The following ATG16L1 variants were observed in gnomAD, a reference collection of about 807,000 sequenced individuals.
The protein encoded by ATG16L1 is autophagy-related protein 16-1.
ATG16L1 carries 37 observed loss-of-function variants against 88.5 expected under a neutral mutation model. That is an observed-to-expected ratio of 0.42 (90% CI 0.32 to 0.55). ATG16L1 has a LOEUF of 0.55. Ranked by LOEUF, ATG16L1 falls within the 20% of genes least tolerant of loss-of-function variation. The pLI, the probability that ATG16L1 is intolerant of heterozygous loss-of-function variation, is 0.13. For synonymous variants in ATG16L1, 301 were observed against 281.0 expected (o/e 1.07, Z -0.71); for missense variants, 554 against 752.8 (o/e 0.74, Z 3.09).
chr2:233,263,625 T>C (rs1417796346), intron 3 of ATG16L1, among the ~76,000 whole-genome samples: 1 of 152,232 alleles, frequency 6.6e-6, no homozygotes, highest in Non-Finnish European at 1.5e-5. Context: ...TCCTAGGCTG[T>C]GTTCGCCTGG....
intron 5 of ATG16L1, 96 bp downstream of exon 5, chr2:233,265,239 A>C: frequency 4.9e-6 from 7 of 1,442,800 alleles, no homozygotes; most frequent in Non-Finnish European, 6.6e-6. Flanking sequence ...TTACTACAGG[A>C]GGTTTACCAG....
At chr2:233,281,221 T>G in intron 11 of ATG16L1, 46 bp downstream of exon 11, 11 of 1,388,478 alleles carry the variant, frequency 7.9e-6, no homozygotes, top group Non-Finnish European at 1.1e-5. Context: ...AGAAATAATT[T>G]AAGACATTAG....
At chr2:233,277,044 T>C (rs1168116199) in intron 9 of ATG16L1, 1 of 152,622 alleles carries the variant, frequency 6.6e-6, no homozygotes, top group Non-Finnish European at 1.5e-5. Context: ...CAGAAAGAAC[T>C]ACATAGAATT....
rs563809588 is a variant in ATG16L1 at position 233,253,412 on chromosome 2, C to T, written c.115+1470C>T. On this transcript the variant is annotated intron_variant, in intron 1 of 17. Coordinates refer to ENST00000392017, the MANE Select transcript of ATG16L1 (RefSeq NM_030803.7). Reference sequence around the variant, plus strand: ...TAGGCTGGAGTGCAAGTGGCGTGATCTCAGCTCACTGCAACCTCCACCTCC... The same window carrying T: ...TAGGCTGGAGTGCAAGTGGCGTGATTTCAGCTCACTGCAACCTCCACCTCC... Among the ~76,000 whole-genome samples, 41 of 128,080 alleles carry T rather than the reference C, an allele frequency of 3.2e-4. No homozygotes were observed. In the Admixed American group the frequency reaches 3.6e-3, roughly 11 times the overall value. 84.0% of individuals were successfully genotyped at this position (128,080 alleles called of 152,430 possible).
rs1697600620 is a variant in ATG16L1, at chr2:233,266,603, A to G, written c.641+1460A>G. ...AAGAGTCTTTTAAAGGGAATAAATG[A>G]CGATAGGAAAGAGTCTTTTAAAGGG... is the stretch of plus-strand genomic sequence containing the variant. On this transcript the variant is annotated intron_variant, in intron 5 of 17. Coordinates refer to ENST00000392017, the MANE Select transcript of ATG16L1 (RefSeq NM_030803.7). 2.0e-5 allele frequency among the ~76,000 whole-genome samples: 3 copies of G among 152,222 alleles called. No individual in the cohort carries two copies. The South Asian group carries it at 6.2e-4, about 32-fold the overall frequency.
At chr2:233,287,709 C>T (rs1699178742) in intron 12 of ATG16L1, among the ~76,000 whole-genome samples, 1 of 152,168 alleles carries the variant, frequency 6.6e-6, no homozygotes, top group Non-Finnish European at 1.5e-5. Flanking sequence ...AAAACCCCGT[C>T]TCTACTAAAA....
chr2:233,283,597 G>A (rs1270853212), intron 12 of ATG16L1, among the ~76,000 whole-genome samples: 2 of 150,530 alleles, frequency 1.3e-5, no homozygotes, highest in African/African-American at 2.4e-5. Flanking sequence ...TTGCTCTTGT[G>A]TGGGGTACAG....
intron 4 of ATG16L1, 142 bp from the exon 5 acceptor site, chr2:233,264,750 G>A: frequency 1.8e-6 from 2 of 1,112,424 alleles, no homozygotes; most frequent in South Asian, 3.1e-5. Flanking sequence ...TCTCCTAATG[G>A]ATTATCCTGT....
At chr2:233,289,531 G>A (rs1030375129) in intron 12 of ATG16L1, among the ~76,000 whole-genome samples, 1 of 152,032 alleles carries the variant, frequency 6.6e-6, no homozygotes, top group Non-Finnish European at 1.5e-5. Flanking sequence ...GACCCCAGGC[G>A]CATGCCACCA....
intron 12 of ATG16L1, among the ~76,000 whole-genome samples, chr2:233,289,326 C>T (rs1262895390): frequency 6.6e-6 from 1 of 150,764 alleles, no homozygotes; most frequent in African/African-American, 2.4e-5. Flanking sequence ...AGATACATGG[C>T]CCCTGGATAA....
At chr2:233,256,221 TTA>T in intron 2 of ATG16L1, 26 bp downstream of exon 2, 1 of 1,574,950 alleles carries the variant, frequency 6.3e-7, no homozygotes, top group South Asian at 1.1e-5. Flanking sequence ...CTTGTATTAT[TTA>T]TGTCTCCTCT....
intron 1 of ATG16L1, among the ~76,000 whole-genome samples, chr2:233,253,507 A>G (rs6745825): frequency 0.44 from 66,182 of 151,312 alleles, 15,158 homozygotes; most frequent in Non-Finnish European, 0.52. Context: ...CGCCACGCCC[A>G]GCTAATTTTT....
intron 1 of ATG16L1, among the ~76,000 whole-genome samples, chr2:233,253,885 CATTAGGTGCTT>C (rs1422033812): frequency 4.6e-5 from 7 of 152,298 alleles, no homozygotes; most frequent in African/African-American, 1.2e-4. Context: ...TAAATCAGTT[CATTAGGTGCTT>C]ATTAGGTGCT....
In ATG16L1 at chr2:233,294,307, G is replaced by T. The variant is rs1699669529; in HGVS notation, c.1781G>T (p.Ser594Ile). 2 of 1,613,712 alleles carry T rather than the reference G, an allele frequency of 1.2e-6. No homozygotes were observed. Among genetic ancestry groups the T allele is most frequent in the African/African-American group, 1.3e-5 (1 of 75,050 alleles). The change falls in exon 18 of 18, where the codon AGT (serine) becomes ATT (isoleucine). Residue 594 changes from serine (S) to isoleucine (I), a missense_variant. By Grantham distance (142) the Ser-to-Ile change is moderately radical. Transcript: ENST00000392017. ...AWSPSGSHVV[S>I]VDKGCKAVLW... ...TCGCCCTCTGGCTCGCACGTTGTCA[G>T]TGTGGACAAAGGATGCAAAGCTGTG...
chr2:233,292,516 T>C, intron 16 of ATG16L1, 82 bp downstream of exon 16: 1 of 1,571,096 alleles, frequency 6.4e-7, no homozygotes, highest in Non-Finnish European at 8.7e-7. Context: ...GATATAGAGC[T>C]AAATTTTGTT....
intron 1 of ATG16L1, among the ~76,000 whole-genome samples, chr2:233,253,037 A>G (rs1338434829): frequency 6.6e-6 from 1 of 152,190 alleles, no homozygotes; most frequent in Admixed American, 6.5e-5. Flanking sequence ...CACACCCCAG[A>G]CCAACTAAAT....
At chr2:233,278,342 C>A (rs1316309940) in intron 10 of ATG16L1, among the ~76,000 whole-genome samples, 1 of 152,122 alleles carries the variant, frequency 6.6e-6, no homozygotes, top group Non-Finnish European at 1.5e-5. Context: ...GTTAAATATG[C>A]GTGTATTTTT....
At chr2:233,252,887 C>G (rs1696479640) in intron 1 of ATG16L1, among the ~76,000 whole-genome samples, 1 of 152,198 alleles carries the variant, frequency 6.6e-6, no homozygotes, top group Non-Finnish European at 1.5e-5. Context: ...TGACGACTTT[C>G]TCAAGTTATG....
rs1250565339 is a variant in ATG16L1, at chr2:233,293,478, C to T, written c.1730+121C>T. 2.8e-5 allele frequency: 25 copies of T among 891,354 alleles called. 1 individual carries two copies. Among genetic ancestry groups the T allele is most frequent in the Middle Eastern group, 3.4e-4 (1 of 2,908 alleles). 55.2% of individuals were successfully genotyped at this position (891,354 alleles called of 1,614,324 possible). ...TGAGGGCACTGTCCGCCCACCTGCT[C>T]GGCTGGCTGAGCTAGGTCAGTGGAG... On this transcript the variant is annotated intron_variant, in intron 17 of 17. Coordinates refer to ENST00000392017, the MANE Select transcript of ATG16L1 (RefSeq NM_030803.7).
Sources: gnomAD v4.1 joint callset for allele counts (sites outside exome capture counted in the v4.1 genomes callset) on GRCh38, gnomAD v4.1.1 for gene constraint, MANE v1.5 for transcripts, NCBI Gene and HGNC (gene_info 2026-07-23, HGNC 2026-07-21) for gene names.